The following PRR5L variants were observed in gnomAD, a reference collection of about 807,000 sequenced individuals.
PRR5L encodes proline-rich protein 5-like.
PRR5L carries 21 observed loss-of-function variants against 36.4 expected under a neutral mutation model. The observed-to-expected ratio is 0.58, with a 90% CI of 0.41 to 0.83. The LOEUF is 0.83. Among genes scored for constraint, PRR5L ranks in the 40% least tolerant of loss-of-function variants. PRR5L has a pLI of 0.00. For synonymous variants in PRR5L, 188 were observed against 197.0 expected (o/e 0.95, Z 0.38); for missense variants, 381 against 473.3 (o/e 0.80, Z 1.81).
intron 1 of PRR5L, among the ~76,000 whole-genome samples, chr11:36,315,009 T>G (rs77805399): frequency 0.052 from 7,847 of 152,284 alleles, 674 homozygotes; most frequent in African/African-American, 0.18. Flanking sequence ...TATAACTATA[T>G]AGCAGAATCC....
chr11:36,307,924 C>T (rs1313184990), intron 1 of PRR5L, among the ~76,000 whole-genome samples: 4 of 152,190 alleles, frequency 2.6e-5, no homozygotes, highest in Non-Finnish European at 4.4e-5. Flanking sequence ...TTCTTGAAAT[C>T]TCTTTCTTTT....
At chr11:36,351,709 A>T in intron 1 of PRR5L, among the ~76,000 whole-genome samples, 1 of 106,754 alleles carries the variant, frequency 9.4e-6, no homozygotes, top group Middle Eastern at 4.5e-3. Context: ...TTATATATTT[A>T]TTTATATATT....
chr11:36,462,393 C>T lies in PRR5L; in HGVS notation c.764C>T (p.Ser255Phe). The T allele has an allele frequency of 6.4e-7, 1 of 1,557,280 alleles. No individual in the cohort carries two copies. Among genetic ancestry groups the T allele is most frequent in the Non-Finnish European group, 8.7e-7 (1 of 1,149,102 alleles). Reference protein sequence around the residue: ...RPKVTVLNYASPITAVSRPLN... With the variant: ...RPKVTVLNYAFPITAVSRPLN... ...AAGGTGACTGTCCTGAACTATGCCT[C>T]CCCGATAACCGCAGTCAGCCGGCCA... Residue 255 changes from serine to phenylalanine, a missense_variant, in exon 9 of 9, where the codon TCC becomes TTC. Ser to Phe is a radical substitution (Grantham distance 155). Transcript: ENST00000530639.
intron 3 of PRR5L, among the ~76,000 whole-genome samples, chr11:36,412,322 G>A (rs1858044112): frequency 6.6e-6 from 1 of 152,158 alleles, no homozygotes; most frequent in Admixed American, 6.5e-5. Flanking sequence ...TGACAGTGGT[G>A]TCCAGCACCC....
intron 1 of PRR5L, among the ~76,000 whole-genome samples, chr11:36,311,108 G>A (rs1046898784): frequency 6.6e-5 from 10 of 152,126 alleles, no homozygotes; most frequent in Non-Finnish European, 1.3e-4. Flanking sequence ...GGGAGAATGG[G>A]AGGAAGGAAG....
intron 1 of PRR5L, among the ~76,000 whole-genome samples, chr11:36,312,521 G>T (rs117983451): frequency 0.014 from 2,191 of 152,290 alleles, 25 homozygotes; most frequent in Non-Finnish European, 0.022. Flanking sequence ...TGATCTGTTG[G>T]ACCAGCTGTT....
chr11:36,354,964 G>C (rs867937926), intron 1 of PRR5L, among the ~76,000 whole-genome samples: 1 of 152,206 alleles, frequency 6.6e-6, no homozygotes, highest in Non-Finnish European at 1.5e-5. Context: ...GTTGGAGAAC[G>C]TAAAGGGGTA....
chr11:36,389,136 G>C (rs1348459006), intron 1 of PRR5L, among the ~76,000 whole-genome samples: 1 of 152,092 alleles, frequency 6.6e-6, no homozygotes, highest in East Asian at 1.9e-4. Context: ...AAAAACCCAT[G>C]TTACATAAGC....
chr11:36,425,461 A>G (rs1057324566), intron 4 of PRR5L: 1 of 152,242 alleles, frequency 6.6e-6, no homozygotes, highest in Non-Finnish European at 1.5e-5. Flanking sequence ...TTCCAGGGTT[A>G]CTTTATTTGT....
chr11:36,337,104 C>T (rs1371558352), intron 1 of PRR5L, among the ~76,000 whole-genome samples: 6 of 152,118 alleles, frequency 3.9e-5, no homozygotes, highest in Admixed American at 2.6e-4. Context: ...AAAGCAACAA[C>T]CTTTTCAACA....
Position 36,388,694 on chromosome 11 carries a change from C to CTTTTTTTTTTTT in PRR5L, c.-125-12300_-125-12299insTTTTTTTTTTTT, listed in dbSNP as rs1252535250. ...TTCTTTCATTCAAGGTCGGCTCTTT[C>CTTTTTTTTTTTT]TTTCTTTTTTTTTTTTTTTTTTGAG... On this transcript the variant is annotated intron_variant, in intron 1 of 8. Coordinates refer to ENST00000530639, the MANE Select transcript of PRR5L (RefSeq NM_001160167.2). Among the ~76,000 whole-genome samples, 21 of 112,790 alleles carry CTTTTTTTTTTTT rather than the reference C, an allele frequency of 1.9e-4. 1 individual carries two copies. Among genetic ancestry groups the CTTTTTTTTTTTT allele is most frequent in the East Asian group, 3.0e-4 (1 of 3,352 alleles). 74.0% of individuals were successfully genotyped at this position (112,790 alleles called of 152,430 possible). A position where few individuals can be genotyped will look rare whatever the true frequency, so the allele number is the denominator to read the frequency against.
At chr11:36,343,222 A>T (rs1042242526) in intron 1 of PRR5L, among the ~76,000 whole-genome samples, 1 of 152,236 alleles carries the variant, frequency 6.6e-6, no homozygotes, top group Non-Finnish European at 1.5e-5. Flanking sequence ...TGTTAAAAAA[A>T]CAGAAAAGAG....
intron 1 of PRR5L, chr11:36,376,722 G>C (rs1350519932): frequency 5.1e-6 from 5 of 986,362 alleles, no homozygotes; most frequent in African/African-American, 1.7e-5. Context: ...GTGGGTGGGG[G>C]GCGTCTCTGG....
chr11:36,442,975 C>T (rs1459652120), intron 6 of PRR5L, among the ~76,000 whole-genome samples: 2 of 152,160 alleles, frequency 1.3e-5, no homozygotes, highest in Non-Finnish European at 2.9e-5. Context: ...GCTTCCACAC[C>T]TTCAGGTATC....
chr11:36,319,607 G>A (rs894193827), intron 1 of PRR5L, among the ~76,000 whole-genome samples: 3 of 151,922 alleles, frequency 2.0e-5, no homozygotes, highest in Non-Finnish European at 4.4e-5. Flanking sequence ...ACTTACAAAG[G>A]CAGGCAGTTG....
intron 6 of PRR5L, among the ~76,000 whole-genome samples, chr11:36,444,206 G>A (rs2133615113): frequency 6.6e-6 from 1 of 152,282 alleles, no homozygotes; most frequent in South Asian, 2.1e-4. Context: ...AAGTGAGGGA[G>A]GTCAATATGT....
At chr11:36,354,058 G>A (rs1340010811) in intron 1 of PRR5L, among the ~76,000 whole-genome samples, 1 of 152,170 alleles carries the variant, frequency 6.6e-6, no homozygotes, top group African/African-American at 2.4e-5. Flanking sequence ...GCATTGGGCG[G>A]CTGAGACAGA....
At chr11:36,366,398 T>TTG (rs143292163) in intron 1 of PRR5L, among the ~76,000 whole-genome samples, 14,718 of 142,696 alleles carry the variant, frequency 0.1, 880 homozygotes, top group Admixed American at 0.23. Context: ...AATTCCATAT[T>TTG]TGTGTGTGTG....
At chr11:36,404,927 C>T (rs926411040) in intron 3 of PRR5L, among the ~76,000 whole-genome samples, 4 of 152,192 alleles carry the variant, frequency 2.6e-5, no homozygotes, top group East Asian at 3.8e-4. Flanking sequence ...CCAACACACA[C>T]GTTGCGAAGT....
Sources: allele counts gnomAD v4.1 joint callset (sites outside exome capture counted in the v4.1 genomes callset), GRCh38; gene constraint gnomAD v4.1.1; transcripts MANE v1.5; gene names NCBI Gene and HGNC (gene_info 2026-07-23, HGNC 2026-07-21).